Variants in PSMC3 observed in about 807,000 individuals in gnomAD.
The protein encoded by PSMC3 is proteasome 26S subunit, ATPase 3, also known as 26S proteasome regulatory subunit 6A.
In PSMC3, 11 loss-of-function variants were observed where a neutral mutation model predicts 52.0. That is an observed-to-expected ratio of 0.21 (90% confidence interval 0.13 to 0.35). The LOEUF (loss-of-function observed/expected upper bound fraction) is 0.35, where lower values mean the gene tolerates loss of function less well. Ranked by LOEUF, PSMC3 falls within the 10% of genes least tolerant of loss-of-function variation. The pLI, the probability that PSMC3 is intolerant of heterozygous loss-of-function variation, is 1.00. For synonymous variants in PSMC3, 201 were observed against 218.8 expected (o/e 0.92, Z 0.72); for missense variants, 238 against 567.1 (o/e 0.42, Z 5.89).
intron 8 of PSMC3, among the ~76,000 whole-genome samples, chr11:47,421,834 G>A (rs1394816882): frequency 1.3e-5 from 2 of 151,776 alleles, no homozygotes; most frequent in Admixed American, 1.3e-4. Flanking sequence ...TCTATTTTTA[G>A]TAGAGATGTG....
intron 2 of PSMC3, 129 bp from the exon 3 acceptor site, chr11:47,425,375 T>C (rs950874603): frequency 1.7e-6 from 2 of 1,177,316 alleles, no homozygotes; most frequent in Non-Finnish European, 2.4e-6. Flanking sequence ...TGAGGCTCTC[T>C]GAAGGCAGAG....
intron 10 of PSMC3, 92 bp downstream of exon 10, chr11:47,420,171 TG>T: frequency 1.4e-6 from 2 of 1,479,166 alleles, no homozygotes; most frequent in Non-Finnish European, 1.9e-6. Context: ...GTGGTGGTCG[TG>T]GAGGCTGGGG....
intron 10 of PSMC3, among the ~76,000 whole-genome samples, chr11:47,419,710 T>G (rs1367611364): frequency 2.6e-5 from 4 of 151,918 alleles, no homozygotes; most frequent in Admixed American, 1.3e-4. Flanking sequence ...ATACAAAAAA[T>G]TAGCCGGGCG....
Position 47,420,641 on chromosome 11 carries a change from G to A in PSMC3, c.971C>T (p.Thr324Ile). 1 of 1,552,330 alleles carries A rather than the reference G, an allele frequency of 6.4e-7. No individual in the cohort carries two copies. The highest frequency in any genetic ancestry group is 8.7e-7 in the Non-Finnish European group (1 of 1,147,238). ...LNQLDGFQPN[T>I]QVKVIAATNR... The stretch of plus-strand genomic sequence containing the variant: ...AGTGCTAATACTCACCTTAACTTGG[G>A]TGTTGGGCTGGAAGCCATCCAGCTG... Residue 324 changes from threonine (T) to isoleucine (I), a missense_variant, in exon 9 of 12, where the codon ACC becomes ATC. Around this residue, in one of 6 missense-constraint regions of PSMC3, gnomAD observed 46 missense variants for 172.9 expected, o/e 0.27. Coordinates refer to ENST00000298852, the MANE Select transcript of PSMC3 (RefSeq NM_002804.5).
intron 2 of PSMC3, 138 bp downstream of exon 2, chr11:47,425,729 T>C: frequency 1.4e-6 from 1 of 718,184 alleles, no homozygotes; most frequent in Non-Finnish European, 2.3e-6. Flanking sequence ...TTTTCTTTCC[T>C]CTCTTCCTGA....
intron 10 of PSMC3, among the ~76,000 whole-genome samples, chr11:47,419,531 A>C (rs567376600): frequency 1.3e-5 from 2 of 152,258 alleles, no homozygotes; most frequent in African/African-American, 4.8e-5. Context: ...GACCCTGTGA[A>C]ATCAGTGCTA....
chr11:47,419,652 A>G (rs143967041), intron 10 of PSMC3, among the ~76,000 whole-genome samples: 2,412 of 152,210 alleles, frequency 0.016, 52 homozygotes, highest in African/African-American at 0.052. Context: ...AAGGTCAGGA[A>G]ATCAAGACCA....
chr11:47,420,324 A>G lies in PSMC3; in HGVS notation c.1067T>C (p.Met356Thr). 1.2e-6 allele frequency: 2 copies of G among 1,614,204 alleles called. No homozygotes were observed. Among genetic ancestry groups the G allele is most frequent in the Non-Finnish European group, 1.7e-6 (2 of 1,180,036 alleles). Residue 356 changes from methionine (M) to threonine (T), a missense_variant, in exon 10 of 12, where the codon ATG (methionine) becomes ACG (threonine). Physicochemically the swap from Met to Thr is moderately conservative, Grantham distance 81. This residue lies in a region of PSMC3 where 40 missense variants were observed against 53.3 expected (regional missense o/e 0.75). Transcript: ENST00000298852. ...GRLDRKIEFPMPNEEARARIM... is the reference protein window; with the variant it reads ...GRLDRKIEFPTPNEEARARIM... Reference sequence around the variant, plus strand: ...TCTGGCCCGGGCCTCCTCATTGGGCATCGGGAACTCTATCTTGCGGTCAAG... The same window carrying G: ...TCTGGCCCGGGCCTCCTCATTGGGCGTCGGGAACTCTATCTTGCGGTCAAG...
chr11:47,425,033 CTCCACCCACTCTT>C lies in PSMC3; in HGVS notation c.285+75_285+87del. 4 of 1,576,526 alleles carry C rather than the reference CTCCACCCACTCTT, an allele frequency of 2.5e-6. No homozygotes were observed. The Admixed American group carries it at 6.7e-5, about 27-fold the overall frequency. On this transcript the variant is annotated intron_variant, in intron 3 of 11. Coordinates refer to ENST00000298852, the MANE Select transcript of PSMC3 (RefSeq NM_002804.5). ...CTGACATGCAGTTTGGCCTCAATAC[CTCCACCCACTCTT>C]TCCCTAGTGGCCCCACCCCAGGCTG...
intron 1 of PSMC3, 123 bp from the exon 2 acceptor site, chr11:47,426,073 C>T (rs1177491060): frequency 7.1e-7 from 1 of 1,401,632 alleles, no homozygotes; most frequent in Admixed American, 2.0e-5. Context: ...GTCAGGACCC[C>T]TGCCCACATC....
Position 47,425,151 on chromosome 11 carries a change from G to C in PSMC3, c.255C>G (p.Thr85=). ...ENSEKIKVNK[T]LPYLVSNVIE... is the part of the protein sequence containing the mutation. ...TGACGTTGGAGACAAGGTACGGCAG[G>C]GTCTTGTTCACTTTGATTTTCTCAC... The change falls in exon 3 of 12, where the codon ACC becomes ACG. Residue 85 remains threonine (T), a synonymous_variant. Coordinates refer to ENST00000298852, the MANE Select transcript of PSMC3 (RefSeq NM_002804.5). 3 of 1,614,080 alleles carry C rather than the reference G, an allele frequency of 1.9e-6. No homozygotes were observed. The highest frequency in any genetic ancestry group is 2.2e-5 in the South Asian group (2 of 91,080).
Position 47,420,743 on chromosome 11 carries a change from C to G in PSMC3, c.885-16G>C. On this transcript the variant is annotated splice_polypyrimidine_tract_variant and intron_variant, in intron 8 of 11. Transcript: ENST00000298852. Reference sequence around the variant, plus strand: ...ACTGTCAAAGCTAGGGCACAGGAAGCCCGAGATGCTGGTGAGGGCACAGCT... The same window carrying G: ...ACTGTCAAAGCTAGGGCACAGGAAGGCCGAGATGCTGGTGAGGGCACAGCT... 1 of 1,553,016 alleles carries G rather than the reference C, an allele frequency of 6.4e-7. No individual in the cohort carries two copies. Among genetic ancestry groups the G allele is most frequent in the South Asian group, 1.2e-5 (1 of 84,218 alleles).
At chr11:47,419,853 T>C (rs745643501) in intron 10 of PSMC3, among the ~76,000 whole-genome samples, 2 of 149,370 alleles carry the variant, frequency 1.3e-5, no homozygotes, top group Non-Finnish European at 3.0e-5. Context: ...AGCGAGACAC[T>C]GTCTCCAAAA....
Position 47,424,093 on chromosome 11 carries a change from T to A in PSMC3, c.544A>T (p.Thr182Ser), listed in dbSNP as rs201014352. The stretch of plus-strand genomic sequence containing the variant: ...CCCCCAATGTCACTGTATTGCTCCG[T>A]GGGCCTCTCGTCTACCTCCATGGCC... ...VKAMEVDERP[T>S]EQYSDIGGLD... is the part of the protein sequence containing the mutation. Residue 182 changes from threonine to serine, a missense_variant, in exon 6 of 12, where the codon ACG becomes TCG. Physicochemically the swap from Thr to Ser is moderately conservative, Grantham distance 58 (BLOSUM62 1). This residue lies in a region of PSMC3 where 60 missense variants were observed against 117.3 expected (regional missense o/e 0.51). Transcript: ENST00000298852. This position sits in a 1 kb window ranked among gnomAD's most constrained non-coding sequence, Gnocchi z 4.8. 6.2e-7 allele frequency: 1 copy of A among 1,614,166 alleles called. No homozygotes were observed.
At position 47,425,136 on chromosome 11, in the gene PSMC3, G is replaced by A; in HGVS notation, c.270C>T (p.Val90=). The change falls in exon 3 of 12, where the codon GTC becomes GTT. Residue 90 remains valine (V), a synonymous_variant. Coordinates refer to ENST00000298852, the MANE Select transcript of PSMC3 (RefSeq NM_002804.5). Reference sequence around the variant, plus strand: ...ACACACACACCTCGATGACGTTGGAGACAAGGTACGGCAGGGTCTTGTTCA... The same window carrying A: ...ACACACACACCTCGATGACGTTGGAAACAAGGTACGGCAGGGTCTTGTTCA... ...IKVNKTLPYL[V]SNVIELLDVD... is the part of the protein sequence containing the mutation. The A allele has an allele frequency of 6.2e-7, 1 of 1,614,168 alleles. No homozygotes were observed. Among genetic ancestry groups the A allele is most frequent in the Non-Finnish European group, 8.5e-7 (1 of 1,180,030 alleles).
At chr11:47,421,010 C>A (rs533102120) in intron 8 of PSMC3, among the ~76,000 whole-genome samples, 2 of 152,202 alleles carry the variant, frequency 1.3e-5, no homozygotes, top group South Asian at 2.1e-4. Flanking sequence ...TTTGGGAGGC[C>A]AAGGTGGGCC....
intron 1 of PSMC3, 107 bp from the exon 2 acceptor site, chr11:47,426,057 G>T: frequency 7.1e-7 from 1 of 1,405,312 alleles, no homozygotes; most frequent in African/African-American, 1.4e-5. Context: ...ATAAAACCAG[G>T]ATGGAGTCAG....
chr11:47,419,220 A>G, intron 10 of PSMC3, 23 bp from the exon 11 acceptor site: 1 of 1,613,136 alleles, frequency 6.2e-7, no homozygotes, highest in African/African-American at 1.3e-5. Context: ...CAGATACCAC[A>G]GGCTCAGTGG....
chr11:47,420,998 A>C (rs1359922377), intron 8 of PSMC3, among the ~76,000 whole-genome samples: 1 of 152,176 alleles, frequency 6.6e-6, no homozygotes, highest in African/African-American at 2.4e-5. Context: ...TAATCCCAGC[A>C]CTTTGGGAGG....
Sources: gnomAD v4.1 joint callset for allele counts (sites outside exome capture counted in the v4.1 genomes callset) on GRCh38, gnomAD v4.1.1 for gene constraint, gnomAD v4.1.1 regional missense constraint, Gnocchi (gnomAD v3.1) non-coding constraint, MANE v1.5 for transcripts, NCBI Gene and HGNC (gene_info 2026-07-23, HGNC 2026-07-21) for gene names.